The following CHRM3 variants were observed in gnomAD, a reference collection of about 807,000 sequenced individuals.
CHRM3 encodes muscarinic acetylcholine receptor M3.
A neutral mutation model predicts 41.8 loss-of-function variants in CHRM3; 11 were observed. The ratio of observed to expected loss-of-function variants is 0.26; its 90% CI spans 0.17 to 0.44. The LOEUF (loss-of-function observed/expected upper bound fraction) is 0.44. CHRM3 is among the 20% of genes least tolerant of loss of function. CHRM3 has a pLI of 1.00. For synonymous variants in CHRM3, 297 were observed against 301.4 expected, an observed-to-expected ratio of 0.99 and a Z score of 0.15; for missense variants, 571 against 745.4, an observed-to-expected ratio of 0.77 and a Z score of 2.72.
At chr1:239,831,711 C>T (rs927643910) in intron 6 of CHRM3, among the ~76,000 whole-genome samples, 7 of 152,022 alleles carry the variant, frequency 4.6e-5, no homozygotes, top group African/African-American at 9.7e-5. Context: ...ATGTGAGGCC[C>T]GGGGGTGCTT....
intron 6 of CHRM3, among the ~76,000 whole-genome samples, chr1:239,878,184 A>G (rs1677280400): frequency 6.6e-6 from 1 of 152,030 alleles, no homozygotes; most frequent in Middle Eastern, 3.2e-3. Context: ...ACATTATAAT[A>G]TATAATGAAA....
At chr1:239,853,577 G>T (rs1553284595) in intron 6 of CHRM3, among the ~76,000 whole-genome samples, 1 of 151,512 alleles carries the variant, frequency 6.6e-6, no homozygotes, top group Non-Finnish European at 1.5e-5. Context: ...AACTGTTTTT[G>T]AATTTAAAAG....
At chr1:239,559,931 T>G (rs1314897759) in intron 3 of CHRM3, among the ~76,000 whole-genome samples, 1 of 152,192 alleles carries the variant, frequency 6.6e-6, no homozygotes, top group Non-Finnish European at 1.5e-5. Context: ...GTCCATTTAT[T>G]TTGGCATTGA....
At chr1:239,813,167 A>G (rs1240854672) in intron 5 of CHRM3, among the ~76,000 whole-genome samples, 3 of 152,128 alleles carry the variant, frequency 2.0e-5, no homozygotes, top group Non-Finnish European at 2.9e-5. Context: ...AATCCCAGCT[A>G]CTTGGGAGGC....
At chr1:239,683,531 T>C (rs1658775279) in intron 5 of CHRM3, among the ~76,000 whole-genome samples, 1 of 152,240 alleles carries the variant, frequency 6.6e-6, no homozygotes, top group African/African-American at 2.4e-5. Flanking sequence ...TATTTTCATC[T>C]TTAAAGTCTT....
chr1:239,850,204 A>T (rs1674588698), intron 6 of CHRM3, among the ~76,000 whole-genome samples: 1 of 152,202 alleles, frequency 6.6e-6, no homozygotes, highest in African/African-American at 2.4e-5. Context: ...TTCTTACAAC[A>T]AAGTAAGCTA....
chr1:239,865,698 T>C (rs897264902), intron 6 of CHRM3, among the ~76,000 whole-genome samples: 5 of 152,132 alleles, frequency 3.3e-5, no homozygotes, highest in Non-Finnish European at 7.4e-5. Context: ...GGTAGCAATA[T>C]TGGGACAGCA....
At chr1:239,408,593 G>A (rs781148441) in intron 1 of CHRM3, among the ~76,000 whole-genome samples, 11 of 151,110 alleles carry the variant, frequency 7.3e-5, no homozygotes, top group Non-Finnish European at 1.3e-4. Flanking sequence ...TTATAGCAGC[G>A]TGAGAACGGA....
chr1:239,725,516 T>A (rs2148374768), intron 5 of CHRM3, among the ~76,000 whole-genome samples: 1 of 152,072 alleles, frequency 6.6e-6, no homozygotes, highest in South Asian at 2.1e-4. Flanking sequence ...TCTCACTGAA[T>A]AAATAAAGAT....
At position 239,743,782 on chromosome 1, in the gene CHRM3, T is replaced by C. The variant is rs140895999; in HGVS notation, c.-147+65494T>C. Among the ~76,000 whole-genome samples the C allele has an allele frequency of 3.7e-4, 53 of 142,642 alleles. No homozygotes were observed. The East Asian group carries it at 5.7e-3, about 15-fold the overall frequency. The allele number at this position is 142,642 out of a possible 152,430, so 93.6% of individuals were successfully genotyped here. A position where few individuals can be genotyped will look rare whatever the true frequency, so the allele number is the denominator to read the frequency against. Reference sequence around the variant, plus strand: ...TTCTTTTTCTTTTTCTTTTTCTTTTTTTTTTCTTTTTTTTTTTTTTTTTTT... The same window carrying C: ...TTCTTTTTCTTTTTCTTTTTCTTTTCTTTTTCTTTTTTTTTTTTTTTTTTT... On this transcript the variant is annotated intron_variant, in intron 5 of 6. Transcript: ENST00000676153.
At chr1:239,708,099 G>A (rs1375310748) in intron 5 of CHRM3, among the ~76,000 whole-genome samples, 1 of 152,190 alleles carries the variant, frequency 6.6e-6, no homozygotes, top group Admixed American at 6.5e-5. Flanking sequence ...GTGGCCTGAA[G>A]GATAATTGAG....
At chr1:239,561,801 C>T (rs560187471) in intron 3 of CHRM3, among the ~76,000 whole-genome samples, 75 of 152,026 alleles carry the variant, frequency 4.9e-4, no homozygotes, top group African/African-American at 1.8e-3. Context: ...TTCTCAGAAC[C>T]TAGAAATGTC....
At chr1:239,859,637 A>T (rs1203067592) in intron 6 of CHRM3, among the ~76,000 whole-genome samples, 3 of 151,166 alleles carry the variant, frequency 2.0e-5, no homozygotes, top group East Asian at 1.9e-4. Flanking sequence ...GCTGGTTTCA[A>T]ACTCCTGACC....
intron 6 of CHRM3, among the ~76,000 whole-genome samples, chr1:239,899,279 G>GTGTGTA (rs1191116467): frequency 7.9e-6 from 1 of 126,344 alleles, no homozygotes; most frequent in Non-Finnish European, 1.6e-5. Context: ...TGAACTCAGT[G>GTGTGTA]TGTGTGTGTG....
chr1:239,635,984 A>T (rs1670423226), intron 4 of CHRM3, among the ~76,000 whole-genome samples: 1 of 152,218 alleles, frequency 6.6e-6, no homozygotes, highest in Non-Finnish European at 1.5e-5. Flanking sequence ...AGATGAAGAA[A>T]CAATCTAGGA....
intron 3 of CHRM3, among the ~76,000 whole-genome samples, chr1:239,609,746 A>G (rs1377386433): frequency 1.3e-5 from 2 of 152,028 alleles, no homozygotes; most frequent in Non-Finnish European, 2.9e-5. Context: ...CATGATCTTG[A>G]GCATCTTTTC....
chr1:239,600,258 G>T (rs2148682547), intron 3 of CHRM3, among the ~76,000 whole-genome samples: 1 of 152,128 alleles, frequency 6.6e-6, no homozygotes, highest in East Asian at 1.9e-4. Flanking sequence ...CATGTTGGTG[G>T]TTAGTCTTGG....
intron 2 of CHRM3, among the ~76,000 whole-genome samples, chr1:239,522,646 G>A (rs1467587938): frequency 6.6e-6 from 1 of 152,190 alleles, no homozygotes; most frequent in Non-Finnish European, 1.5e-5. Context: ...GGAGAAATGG[G>A]CTTTCTGGGC....
At chr1:239,594,236 T>G (rs929293270) in intron 3 of CHRM3, among the ~76,000 whole-genome samples, 2 of 152,234 alleles carry the variant, frequency 1.3e-5, no homozygotes, top group African/African-American at 4.8e-5. Flanking sequence ...ACAAATTTGA[T>G]AAGCACGATT....
Sources: allele counts gnomAD v4.1 joint callset (sites outside exome capture counted in the v4.1 genomes callset), GRCh38; gene constraint gnomAD v4.1.1; transcripts MANE v1.5; gene names NCBI Gene and HGNC (gene_info 2026-07-23, HGNC 2026-07-21).